SLC44A5: variants seen among roughly 807,000 people sequenced by gnomAD.
The protein encoded by SLC44A5 is choline transporter-like protein 5.
Under a neutral mutation model 101.8 loss-of-function variants are expected in SLC44A5, and 57 were observed. That is an observed-to-expected ratio of 0.56 (90% CI 0.45 to 0.70). The LOEUF (loss-of-function observed/expected upper bound fraction) is 0.70. SLC44A5 is among the 30% of genes least tolerant of loss of function. The pLI, the probability that SLC44A5 is intolerant of heterozygous loss-of-function variation, is 0.00. For missense variants in SLC44A5, 737 were observed against 853.1 expected (o/e 0.86, Z 1.70); for synonymous variants, 281 against 290.9 (o/e 0.97, Z 0.35).
chr1:75,669,255 G>T, the SLC44A5 span, among the ~76,000 whole-genome samples: 2 of 147,476 alleles, frequency 1.4e-5, no homozygotes, highest in Non-Finnish European at 2.9e-5. Context: ...TGATGTTCTA[G>T]TCTTTAAGCT....
intron 2 of SLC44A5, among the ~76,000 whole-genome samples, chr1:75,478,973 T>A (rs1667627333): frequency 6.6e-6 from 1 of 152,212 alleles, no homozygotes; most frequent in Admixed American, 6.5e-5. Context: ...ACACCACACC[T>A]ATTCCAAAAT....
rs867326109 is a variant in SLC44A5, at chr1:75,537,017, A to G, written c.13+4418T>C. 7.7e-3 allele frequency among the ~76,000 whole-genome samples: 298 copies of G among 38,894 alleles called. 24 individuals are homozygous for G. The highest frequency in any genetic ancestry group is 0.015 in the Admixed American group (46 of 3,034). The allele number at this position is 38,894 out of a possible 152,430, so 25.5% of individuals were successfully genotyped here. On this transcript the variant is annotated intron_variant, in intron 2 of 23. Transcript: ENST00000370859. ...CGAGACTCCATCTCAAAAAAAAAAA[A>G]AAAAAAAAAAAAAAAAATATATATC...
chr1:75,315,154 G>A (rs1655596609), intron 4 of SLC44A5, among the ~76,000 whole-genome samples: 1 of 152,120 alleles, frequency 6.6e-6, no homozygotes, highest in Non-Finnish European at 1.5e-5. Context: ...AAAAAGTTGA[G>A]TTAGGAGTAT....
chr1:75,327,181 A>G (rs1656668951), intron 4 of SLC44A5, among the ~76,000 whole-genome samples: 1 of 152,148 alleles, frequency 6.6e-6, no homozygotes. Flanking sequence ...GAGGAACACA[A>G]CTTTGCCAAC....
At chr1:75,703,798 GC>G in the SLC44A5 span, among the ~76,000 whole-genome samples, 5 of 140,622 alleles carry the variant, frequency 3.6e-5, no homozygotes, top group East Asian at 1.9e-3. Context: ...CTCAAAGGAA[GC>G]TTTTTGCATC....
chr1:75,679,298 G>A, the SLC44A5 span, among the ~76,000 whole-genome samples: 3 of 152,128 alleles, frequency 2.0e-5, no homozygotes, highest in South Asian at 2.1e-4. Flanking sequence ...GCAACTCCAA[G>A]ACATGCAATT....
the SLC44A5 span, among the ~76,000 whole-genome samples, chr1:75,683,620 G>T: frequency 5.3e-5 from 8 of 152,120 alleles, 1 homozygote; most frequent in African/African-American, 1.7e-4. Context: ...GTGGCGGAAG[G>T]GGGGAGGGAT....
chr1:75,584,214 T>G (rs1288804194), intron 1 of SLC44A5, among the ~76,000 whole-genome samples: 1 of 152,226 alleles, frequency 6.6e-6, no homozygotes, highest in Non-Finnish European at 1.5e-5. Flanking sequence ...GCTTCTGTAG[T>G]CTAGTCTATG....
chr1:75,722,005 G>A, the SLC44A5 span, among the ~76,000 whole-genome samples: 1 of 152,132 alleles, frequency 6.6e-6, no homozygotes, highest in Non-Finnish European at 1.5e-5. Flanking sequence ...TGTGATAAAG[G>A]TTTTATAGGA....
At chr1:75,332,606 A>T (rs1423321990) in intron 4 of SLC44A5, among the ~76,000 whole-genome samples, 1 of 152,156 alleles carries the variant, frequency 6.6e-6, no homozygotes, top group Non-Finnish European at 1.5e-5. Context: ...TACCTGAAGC[A>T]TTGGAGGGGT....
intron 5 of SLC44A5, among the ~76,000 whole-genome samples, chr1:75,300,014 C>CAAAAAAAAAAAAAAAAAA (rs35608663): frequency 2.1e-5 from 2 of 93,796 alleles, no homozygotes; most frequent in African/African-American, 1.1e-4. Flanking sequence ...GACTCTGTCT[C>CAAAAAAAAAAAAAAAAAA]AAAAAAAAAA....
intron 1 of SLC44A5, among the ~76,000 whole-genome samples, chr1:75,587,630 T>C (rs184081994): frequency 2.8e-4 from 42 of 152,376 alleles, no homozygotes; most frequent in Non-Finnish European, 5.6e-4. Context: ...AATTCAGTTA[T>C]GTGGCTTAGC....
chr1:75,226,361 G>A (rs1318088994), intron 13 of SLC44A5, among the ~76,000 whole-genome samples: 7 of 151,990 alleles, frequency 4.6e-5, no homozygotes, highest in South Asian at 2.1e-4. Context: ...ATCTCCCACC[G>A]CTGTCTGAGC....
chr1:75,518,297 T>C (rs1348649735), intron 2 of SLC44A5, among the ~76,000 whole-genome samples: 1 of 152,180 alleles, frequency 6.6e-6, no homozygotes, highest in Non-Finnish European at 1.5e-5. Context: ...CATGATATAG[T>C]TTTAAGAATA....
At chr1:75,295,109 C>A (rs894285477) in intron 5 of SLC44A5, among the ~76,000 whole-genome samples, 1 of 152,150 alleles carries the variant, frequency 6.6e-6, no homozygotes, top group African/African-American at 2.4e-5. Context: ...GATCATTACA[C>A]AAGATATACA....
At chr1:75,316,909 G>A (rs1269713994) in intron 4 of SLC44A5, among the ~76,000 whole-genome samples, 2 of 152,166 alleles carry the variant, frequency 1.3e-5, no homozygotes, top group Admixed American at 6.6e-5. Flanking sequence ...AAATGTGTAA[G>A]GTTGAGCCAG....
chr1:75,328,417 G>A (rs971925703), intron 4 of SLC44A5, among the ~76,000 whole-genome samples: 1 of 152,114 alleles, frequency 6.6e-6, no homozygotes, highest in Admixed American at 6.5e-5. Flanking sequence ...AAACATTTTA[G>A]TTGTAACCAC....
intron 2 of SLC44A5, among the ~76,000 whole-genome samples, chr1:75,415,685 T>C (rs1012021964): frequency 6.6e-6 from 1 of 152,198 alleles, no homozygotes; most frequent in Non-Finnish European, 1.5e-5. Flanking sequence ...TGAATGGCTC[T>C]GACAAAAATG....
the SLC44A5 span, chr1:75,677,785 C>T: frequency 6.4e-5 from 27 of 424,416 alleles, no homozygotes; most frequent in Admixed American, 1.8e-4. Context: ...GGAACAGCTC[C>T]GGTCTACAGC....
Sources: allele counts gnomAD v4.1 joint callset (sites outside exome capture counted in the v4.1 genomes callset), GRCh38; gene constraint gnomAD v4.1.1; transcripts MANE v1.5; gene names NCBI Gene and HGNC (gene_info 2026-07-23, HGNC 2026-07-21).